The following ATP8B1 variants were observed in gnomAD, a reference collection of about 807,000 sequenced individuals.
ATP8B1 encodes the protein phospholipid-transporting ATPase IC.
In ATP8B1, 80 loss-of-function variants were observed where a neutral mutation model predicts 149.9. That is an observed-to-expected ratio of 0.53 (90% CI 0.45 to 0.64). The LOEUF (loss-of-function observed/expected upper bound fraction) is 0.64, where lower values mean the gene tolerates loss of function less well. Among genes scored for constraint, ATP8B1 ranks in the 30% least tolerant of loss-of-function variants. The pLI is 0.00. For missense variants in ATP8B1, 1,247 were observed against 1,552.6 expected, an observed-to-expected ratio of 0.80 and a Z score of 3.31; for synonymous variants, 536 against 562.8, an observed-to-expected ratio of 0.95 and a Z score of 0.67.
chr18:57,652,878 T>C lies in ATP8B1; in HGVS notation c.3016-149A>G, dbSNP rs567109896. ...ACAAGATAATCGATCAATCCTGCAA[T>C]ATTTGTGGTGTGCAGAGCTCAACCT... On this transcript the variant is annotated intron_variant, in intron 24 of 27. Coordinates refer to ENST00000648908, the MANE Select transcript of ATP8B1 (RefSeq NM_001374385.1). 7.1e-6 allele frequency: 7 copies of C among 988,380 alleles called. No homozygotes were observed. The South Asian group carries it at 8.6e-5, about 12-fold the overall frequency. 61.2% of individuals were successfully genotyped at this position (988,380 alleles called of 1,614,324 possible).
chr18:57,761,619 A>G (rs1322722007), intron 1 of ATP8B1, among the ~76,000 whole-genome samples: 1 of 151,402 alleles, frequency 6.6e-6, no homozygotes, highest in African/African-American at 2.4e-5. Context: ...CTGGCACTAA[A>G]TCTCCTAATT....
At position 57,647,728 on chromosome 18, in the gene ATP8B1, A is replaced by G. The variant is rs1186938546; in HGVS notation, c.*760T>C. The G allele has an allele frequency of 6.5e-6, 1 of 153,612 alleles. No homozygotes were observed. The highest frequency in any genetic ancestry group is 1.9e-4 in the East Asian group (1 of 5,214). The allele number at this position is 153,612 out of a possible 1,614,324, so 9.5% of individuals were successfully genotyped here. A position where few individuals can be genotyped will look rare whatever the true frequency, so the allele number is the denominator to read the frequency against. On this transcript the variant is annotated 3_prime_UTR_variant, in exon 28 of 28. Transcript: ENST00000648908. ...CATAATGTACATAACCAGTTGAATAATAGGACTTTTATTATTATTAAAAAA... is the reference window on the plus strand; with the variant it reads ...CATAATGTACATAACCAGTTGAATAGTAGGACTTTTATTATTATTAAAAAA...
Position 57,756,305 on chromosome 18 carries a change from A to ATATATATATATG in ATP8B1, c.-25-24474_-25-24473insCATATATATATA, listed in dbSNP as rs374550138. On this transcript the variant is annotated intron_variant, in intron 1 of 27. Transcript: ENST00000648908. ...CATATATATGTGTGTGTGTATGTATATATATATATATTTGAGACTGAGTTT... is the reference window on the plus strand; with the variant it reads ...CATATATATGTGTGTGTGTATGTATATATATATATATGTATATATATATTTGAGACTGAGTTT... Among the ~76,000 whole-genome samples, 381 of 106,110 alleles carry ATATATATATATG rather than the reference A, an allele frequency of 3.6e-3. 41 individuals are homozygous for ATATATATATATG. The highest frequency in any genetic ancestry group is 0.014 in the African/African-American group (333 of 23,848). 69.6% of individuals were successfully genotyped at this position (106,110 alleles called of 152,430 possible).
chr18:57,773,522 G>A (rs977789845), intron 1 of ATP8B1, among the ~76,000 whole-genome samples: 4 of 152,160 alleles, frequency 2.6e-5, no homozygotes, highest in African/African-American at 9.7e-5. Context: ...GTTCTTATTT[G>A]GCCCTGACAT....
intron 11 of ATP8B1, among the ~76,000 whole-genome samples, chr18:57,693,645 T>G (rs8097362): frequency 4.9e-4 from 74 of 152,162 alleles, no homozygotes; most frequent in African/African-American, 1.6e-3. Flanking sequence ...GAGACGGAGA[T>G]TGCAGTGAGC....
At chr18:57,661,037 A>T in intron 22 of ATP8B1, 137 bp downstream of exon 22, 2 of 1,212,504 alleles carry the variant, frequency 1.6e-6, no homozygotes, top group Non-Finnish European at 2.3e-6. Context: ...TGTCATGGTT[A>T]AGTGACTTTA....
rs1913409512 is a variant in ATP8B1, at chr18:57,706,602, G to A, written c.182-15C>T. The A allele has an allele frequency of 1.2e-6, 2 of 1,603,558 alleles. No homozygotes were observed. Among genetic ancestry groups the A allele is most frequent in the South Asian group, 1.1e-5 (1 of 90,274 alleles). ...CCATGTACATTCTTTAAAAAAAAGGGAGAAAAGTTCGTAAGTAGCAAATTA... is the reference window on the plus strand; with the variant it reads ...CCATGTACATTCTTTAAAAAAAAGGAAGAAAAGTTCGTAAGTAGCAAATTA... On this transcript the variant is annotated splice_polypyrimidine_tract_variant and intron_variant, in intron 2 of 27. Coordinates refer to ENST00000648908, the MANE Select transcript of ATP8B1 (RefSeq NM_001374385.1).
chr18:57,704,578 A>C lies in ATP8B1; in HGVS notation c.370T>G (p.Phe124Val). The C allele has an allele frequency of 6.2e-7, 1 of 1,602,446 alleles. No homozygotes were observed. Among genetic ancestry groups the C allele is most frequent in the South Asian group, 1.1e-5 (1 of 90,826 alleles). ...ACCTGTAAGATAAGAAGAGCCAGGA[A>C]ATATAAATTGGCTGCTCTCTTAAAC... ...EQFKRAANLYFLALLILQAVP... is the reference protein window; with the variant it reads ...EQFKRAANLYVLALLILQAVP... Residue 124 changes from phenylalanine to valine, a missense_variant, in exon 4 of 28, where the codon TTC becomes GTC. This residue lies in a region of ATP8B1 where 853 missense variants were observed against 1,035.7 expected (regional missense o/e 0.82). Coordinates refer to ENST00000648908, the MANE Select transcript of ATP8B1 (RefSeq NM_001374385.1).
intron 27 of ATP8B1, 50 bp downstream of exon 27, chr18:57,650,317 C>G: frequency 8.1e-6 from 13 of 1,602,334 alleles, no homozygotes; most frequent in Non-Finnish European, 1.1e-5. Flanking sequence ...TTGGGAAACG[C>G]TTTGGTTTCT....
intron 8 of ATP8B1, among the ~76,000 whole-genome samples, chr18:57,696,965 A>G (rs946608629): frequency 3.3e-5 from 5 of 152,198 alleles, no homozygotes; most frequent in South Asian, 2.1e-4. Context: ...GGAGAATTCA[A>G]AATTGCCTCC....
Position 57,721,078 on chromosome 18 carries a change from A to G in ATP8B1, c.181+10549T>C, listed in dbSNP as rs2079641487. 1.8e-5 allele frequency among the ~76,000 whole-genome samples: 2 copies of G among 112,570 alleles called. 1 individual carries two copies. The highest frequency in any genetic ancestry group is 1.8e-4 in the Admixed American group (2 of 10,964). The allele number at this position is 112,570 out of a possible 152,430, so 73.9% of individuals were successfully genotyped here. ...TTTTGTCACCACCAGGCCTGCCCTA[A>G]AAGAGCTCCTGAAGGAAGCACTAAA... is the stretch of plus-strand genomic sequence containing the variant. On this transcript the variant is annotated intron_variant, in intron 2 of 27. Coordinates refer to ENST00000648908, the MANE Select transcript of ATP8B1 (RefSeq NM_001374385.1).
chr18:57,781,740 C>T (rs991422788), intron 1 of ATP8B1, among the ~76,000 whole-genome samples: 5 of 152,012 alleles, frequency 3.3e-5, no homozygotes, highest in Admixed American at 1.3e-4. Flanking sequence ...TTTGGGAGGC[C>T]GAGATGGGAG....
chr18:57,717,013 A>G (rs1212185183), intron 2 of ATP8B1, among the ~76,000 whole-genome samples: 1 of 152,146 alleles, frequency 6.6e-6, no homozygotes, highest in African/African-American at 2.4e-5. Context: ...ATCAATAATA[A>G]GAGGAATTTT....
intron 18 of ATP8B1, chr18:57,668,766 T>C: frequency 2.0e-6 from 1 of 487,988 alleles, no homozygotes; most frequent in Non-Finnish European, 3.6e-6. Flanking sequence ...CTATTTAATT[T>C]ACCAAGACAA....
chr18:57,669,449 G>GGCA lies in ATP8B1; in HGVS notation c.1963_1965dup (p.Cys655dup). On this transcript the variant is annotated inframe_insertion, in exon 18 of 28. Coordinates refer to ENST00000648908, the MANE Select transcript of ATP8B1 (RefSeq NM_001374385.1). ...TTTTCTTCAATTTCCTTGTAGCAAA[G>GGCA]GCATAGGGTTCTAAGAGTTTCATTT... 2 of 1,613,224 alleles carry GGCA rather than the reference G, an allele frequency of 1.2e-6. No homozygotes were observed. Among genetic ancestry groups the GGCA allele is most frequent in the Non-Finnish European group, 1.7e-6 (2 of 1,179,426 alleles).
chr18:57,748,252 T>A (rs1403998251), intron 1 of ATP8B1, among the ~76,000 whole-genome samples: 1 of 152,194 alleles, frequency 6.6e-6, no homozygotes, highest in Non-Finnish European at 1.5e-5. Flanking sequence ...CAAATTATTA[T>A]CCCCATTCTA....
At chr18:57,688,243 C>A in intron 13 of ATP8B1, 56 bp downstream of exon 13, 1 of 1,555,082 alleles carries the variant, frequency 6.4e-7, no homozygotes, top group South Asian at 1.1e-5. Context: ...AAGTAATGAC[C>A]TGCACACGGC....
At chr18:57,766,574 A>G (rs2080213342) in intron 1 of ATP8B1, among the ~76,000 whole-genome samples, 1 of 152,220 alleles carries the variant, frequency 6.6e-6, no homozygotes, top group African/African-American at 2.4e-5. Context: ...ACTTTAGCAC[A>G]TATGAAAATC....
intron 15 of ATP8B1, among the ~76,000 whole-genome samples, chr18:57,676,620 G>A (rs1188209816): frequency 2.7e-5 from 4 of 149,490 alleles, no homozygotes; most frequent in Non-Finnish European, 5.9e-5. Context: ...TCGGGAGGCT[G>A]AGGCAGGAGA....
Sources: gnomAD v4.1 joint callset for allele counts (sites outside exome capture counted in the v4.1 genomes callset) on GRCh38, gnomAD v4.1.1 for gene constraint, gnomAD v4.1.1 regional missense constraint, MANE v1.5 for transcripts, NCBI Gene and HGNC (gene_info 2026-07-23, HGNC 2026-07-21) for gene names.